Variants in ZNF79 observed in about 807,000 individuals in gnomAD.
The protein encoded by ZNF79 is ZNFpT7.
In ZNF79, 13 loss-of-function variants were observed where a neutral mutation model predicts 14.9. The observed-to-expected ratio is 0.87, with a 90% CI of 0.57 to 1.38. ZNF79 has a LOEUF of 1.38. Among genes scored for constraint, ZNF79 ranks in the 40% most tolerant of loss-of-function variants. The probability of loss-of-function intolerance (pLI) is 0.00; values close to 1 mark genes in which losing one functional copy is unlikely to be tolerated. For synonymous variants in ZNF79, 223 were observed against 235.1 expected (o/e 0.95, Z 0.47); for missense variants, 631 against 630.6 (o/e 1.00, Z -0.01).
At chr9:127,443,913 A>G in intron 4 of ZNF79, 116 bp from the exon 5 acceptor site, 1 of 899,012 alleles carries the variant, frequency 1.1e-6, no homozygotes, top group Non-Finnish European at 1.6e-6. Context: ...AAAAAAAAAA[A>G]AAAAAAAAAG....
rs777974612 is a variant in ZNF79, at chr9:127,444,576, T to C, written c.876T>C (p.Leu292=). The C allele has an allele frequency of 6.2e-7, 1 of 1,611,568 alleles. No individual in the cohort carries two copies. Among genetic ancestry groups the C allele is most frequent in the Middle Eastern group, 1.7e-4 (1 of 6,040 alleles). Residue 292 remains leucine (L), a synonymous_variant, in exon 5 of 5, where the codon CTT becomes CTC. Transcript: ENST00000342483. ...AAGCCTTCAGTGACTGCTCAGCTCT[T>C]GTTCAGCATCAGAGAATTCATACCG... is the stretch of plus-strand genomic sequence containing the variant. The part of the protein sequence containing the change: ...CEKAFSDCSA[L]VQHQRIHTGE...
chr9:127,429,188 G>A (rs1714150045), intron 2 of ZNF79, among the ~76,000 whole-genome samples: 1 of 151,828 alleles, frequency 6.6e-6, no homozygotes. Flanking sequence ...TAATTTTTTT[G>A]TATTTTTAGT....
chr9:127,434,971 C>T (rs1588072511), intron 2 of ZNF79, 119 bp from the exon 3 acceptor site: 1 of 1,274,154 alleles, frequency 7.8e-7, no homozygotes, highest in East Asian at 2.6e-5. Context: ...CTTCAACTAC[C>T]CAGAGACCTG....
intron 1 of ZNF79, 75 bp from the exon 2 acceptor site, chr9:127,428,757 G>A: frequency 7.4e-7 from 1 of 1,343,928 alleles, no homozygotes; most frequent in African/African-American, 1.5e-5. Context: ...TACCTGCTAT[G>A]TCCCCTCTTC....
At chr9:127,440,119 C>T (rs1334061707) in intron 4 of ZNF79, among the ~76,000 whole-genome samples, 1 of 152,208 alleles carries the variant, frequency 6.6e-6, no homozygotes, top group Admixed American at 6.5e-5. Flanking sequence ...GCCTCGGCCT[C>T]CCAAAGTGCT....
chr9:127,424,641 A>G lies in ZNF79; in HGVS notation c.-147A>G, dbSNP rs544965726. ...CCGCGACCCAGCACCGCAGGATCAG[A>G]CCGTGCCTCTGCGGGGAGAGGCTGG... On this transcript the variant is annotated 5_prime_UTR_variant, in exon 1 of 5. Transcript: ENST00000342483. The G allele has an allele frequency of 1.6e-6, 2 of 1,266,398 alleles. No homozygotes were observed. The highest frequency in any genetic ancestry group is 2.5e-5 in the East Asian group (1 of 40,010). 78.4% of individuals were successfully genotyped at this position (1,266,398 alleles called of 1,614,324 possible).
chr9:127,428,921 G>C lies in ZNF79; in HGVS notation c.105+1G>C. On this transcript the variant is annotated splice_donor_variant, in intron 2 of 4. Transcript: ENST00000342483. LOFTEE classifies it high-confidence loss of function. ...TGGTCTCCTCACAGCTGGGCCCCGG[G>C]TAAGTTGGAAATTAACTTTGGAAGG... is the stretch of plus-strand genomic sequence containing the variant. The C allele has an allele frequency of 6.3e-7, 1 of 1,574,920 alleles. No individual in the cohort carries two copies. Among genetic ancestry groups the C allele is most frequent in the Non-Finnish European group, 8.6e-7 (1 of 1,159,670 alleles).
At chr9:127,441,820 C>T (rs1418847777) in intron 4 of ZNF79, among the ~76,000 whole-genome samples, 1 of 152,146 alleles carries the variant, frequency 6.6e-6, no homozygotes, top group Non-Finnish European at 1.5e-5. Context: ...TGGCGGGAGC[C>T]TGTAATCCCA....
At position 127,424,449 on chromosome 9, in the gene ZNF79, T is replaced by G. The variant is rs1833710900; in HGVS notation, c.-339T>G. 3.2e-6 allele frequency: 1 copy of G among 308,744 alleles called. No homozygotes were observed. The highest frequency in any genetic ancestry group is 2.2e-5 in the African/African-American group (1 of 46,456). 19.1% of individuals were successfully genotyped at this position (308,744 alleles called of 1,614,324 possible). A position where few individuals can be genotyped will look rare whatever the true frequency, so the allele number is the denominator to read the frequency against. ...TGGGCGGTACTTGGACAGCGGTTCT[T>G]GAGCTCTCGCGGTTGCCGGTAGATT... On this transcript the variant is annotated 5_prime_UTR_variant, in exon 1 of 5. Coordinates refer to ENST00000342483, the MANE Select transcript of ZNF79 (RefSeq NM_007135.3).
Position 127,445,199 on chromosome 9 carries a change from T to A in ZNF79, c.*2T>A, listed in dbSNP as rs527773071. The A allele has an allele frequency of 2.5e-6, 4 of 1,613,314 alleles. No homozygotes were observed. In the African/African-American group the frequency reaches 5.3e-5, roughly 22 times the overall value. The stretch of plus-strand genomic sequence containing the variant: ...CAGAGACTCCACGCCGGAGAGTAAC[T>A]AGGAACATGGTAGAAGTGGAGAGAG... On this transcript the variant is annotated 3_prime_UTR_variant, in exon 5 of 5. Transcript: ENST00000342483.
intron 4 of ZNF79, among the ~76,000 whole-genome samples, chr9:127,443,520 C>G (rs1834088003): frequency 6.6e-6 from 1 of 152,122 alleles, no homozygotes; most frequent in Non-Finnish European, 1.5e-5. Flanking sequence ...TTATTTACAC[C>G]AGCATCACCA....
intron 4 of ZNF79, among the ~76,000 whole-genome samples, chr9:127,442,496 C>T (rs1271496478): frequency 6.6e-6 from 1 of 151,806 alleles, no homozygotes; most frequent in African/African-American, 2.4e-5. Context: ...ATGAGTGGAG[C>T]TTGCAGGACT....
chr9:127,432,852 A>G (rs1833885036), intron 2 of ZNF79, among the ~76,000 whole-genome samples: 1 of 152,042 alleles, frequency 6.6e-6, no homozygotes, highest in African/African-American at 2.4e-5. Context: ...CGTATTATAT[A>G]TTTTTGTTAT....
In ZNF79 at chr9:127,445,202, G is replaced by C. The variant is rs1177884837; in HGVS notation, c.*5G>C. The C allele has an allele frequency of 6.2e-7, 1 of 1,612,934 alleles. No individual in the cohort carries two copies. On this transcript the variant is annotated 3_prime_UTR_variant, in exon 5 of 5. Transcript: ENST00000342483. ...AGACTCCACGCCGGAGAGTAACTAG[G>C]AACATGGTAGAAGTGGAGAGAGTCC...
chr9:127,435,325 G>A lies in ZNF79; in HGVS notation c.232+109G>A, dbSNP rs190004138. On this transcript the variant is annotated intron_variant, in intron 3 of 4. Transcript: ENST00000342483. The stretch of plus-strand genomic sequence containing the variant: ...GACTGGTGTGATGTACCAGAGGGAT[G>A]GTGTTTATTCCTCTTGTTCTCTTGG... The A allele has an allele frequency of 2.8e-4, 362 of 1,272,354 alleles. 1 individual carries two copies. The African/African-American group carries it at 5.0e-3, about 18-fold the overall frequency. 78.8% of individuals were successfully genotyped at this position (1,272,354 alleles called of 1,614,324 possible). A position where few individuals can be genotyped will look rare whatever the true frequency, so the allele number is the denominator to read the frequency against.
Position 127,444,387 on chromosome 9 carries a change from C to T in ZNF79, c.687C>T (p.Ala229=). 3 of 1,612,620 alleles carry T rather than the reference C, an allele frequency of 1.9e-6. No homozygotes were observed. The highest frequency in any genetic ancestry group is 1.7e-6 in the Non-Finnish European group (2 of 1,178,764). Reference sequence around the variant, plus strand: ...ATGAGTGCAGTGAATGTGGGAAGGCCTTCAGCCAGAGCTCATCTCTCATTC... The same window carrying T: ...ATGAGTGCAGTGAATGTGGGAAGGCTTTCAGCCAGAGCTCATCTCTCATTC... ...KPYECSECGK[A]FSQSSSLIQH... is the part of the protein sequence containing the mutation. Residue 229 remains alanine, a synonymous_variant, in exon 5 of 5, where the codon GCC becomes GCT. Transcript: ENST00000342483.
chr9:127,427,694 A>G (rs1478414626), intron 1 of ZNF79, among the ~76,000 whole-genome samples: 1 of 151,968 alleles, frequency 6.6e-6, no homozygotes, highest in Non-Finnish European at 1.5e-5. Context: ...GGCATGCGCC[A>G]CCACGGCTAA....
intron 4 of ZNF79, among the ~76,000 whole-genome samples, chr9:127,439,400 T>C (rs1427978701): frequency 2.0e-5 from 3 of 152,216 alleles, no homozygotes; most frequent in South Asian, 2.1e-4. Flanking sequence ...CTGAAAAAAA[T>C]TGTCAACTGT....
Position 127,444,192 on chromosome 9 carries a change from C to G in ZNF79, c.492C>G (p.Pro164=). Residue 164 remains proline (P), a synonymous_variant, in exon 5 of 5, where the codon CCC becomes CCG. Coordinates refer to ENST00000342483, the MANE Select transcript of ZNF79 (RefSeq NM_007135.3). ...RPVLSPQQRV[P]VEARPRKCET... ...TCCTCTCTCCGCAACAGAGAGTGCC[C>G]GTGGAAGCGAGACCTCGCAAATGTG... The G allele has an allele frequency of 6.2e-7, 1 of 1,614,010 alleles. No homozygotes were observed. The highest frequency in any genetic ancestry group is 8.5e-7 in the Non-Finnish European group (1 of 1,180,038).
Sources: allele counts gnomAD v4.1 joint callset (sites outside exome capture counted in the v4.1 genomes callset), GRCh38; gene constraint gnomAD v4.1.1; transcripts MANE v1.5; gene names NCBI Gene and HGNC (gene_info 2026-07-23, HGNC 2026-07-21).